AGXT2: variants seen among roughly 807,000 people sequenced by gnomAD.
AGXT2 encodes alanine--glyoxylate aminotransferase 2, mitochondrial.
Under a neutral mutation model 62.5 loss-of-function variants are expected in AGXT2, and 61 were observed. The observed-to-expected ratio is 0.98, with a 90% CI of 0.79 to 1.21. AGXT2 has a LOEUF of 1.21. Ranked by LOEUF, AGXT2 falls within the 50% of genes most tolerant of loss-of-function variation. The pLI is 0.00. For missense variants in AGXT2, 666 were observed against 641.5 expected (o/e 1.04, Z -0.41); for synonymous variants, 243 against 218.7 (o/e 1.11, Z -0.98).
At chr5:35,004,596 A>T (rs540031283) in intron 12 of AGXT2, among the ~76,000 whole-genome samples, 1 of 152,336 alleles carries the variant, frequency 6.6e-6, no homozygotes, top group East Asian at 1.9e-4. Flanking sequence ...GTCACACCTG[A>T]CAGCATGTCT....
At chr5:35,002,782 G>A (rs902391951) in intron 13 of AGXT2, among the ~76,000 whole-genome samples, 1 of 152,002 alleles carries the variant, frequency 6.6e-6, no homozygotes, top group Non-Finnish European at 1.5e-5. Context: ...AGGCTGGGGG[G>A]GGGGACTAAC....
chr5:35,033,631 G>T lies in AGXT2; in HGVS notation c.582-78C>A, dbSNP rs575564487. 1.4e-4 allele frequency: 160 copies of T among 1,129,944 alleles called. 2 individuals are homozygous for T. Among genetic ancestry groups the T allele is most frequent in the South Asian group, 1.2e-3 (97 of 79,892 alleles). 70.0% of individuals were successfully genotyped at this position (1,129,944 alleles called of 1,614,324 possible). On this transcript the variant is annotated intron_variant, in intron 5 of 13. Coordinates refer to ENST00000231420, the MANE Select transcript of AGXT2 (RefSeq NM_031900.4). ...AGGACAAAAGAGAAAACCCAGGAAG[G>T]CTATGAAGATGAAATAGAACATCAT...
rs139344660 is a variant in AGXT2, at chr5:35,010,067, T to A, written c.1271A>T (p.Glu424Val). ...TCGGACGTCTCCAACAATTTCAAATTCATCCCGCAGCTTAGCAAACTTTAG... is the reference window on the plus strand; with the variant it reads ...TCGGACGTCTCCAACAATTTCAAATACATCCCGCAGCTTAGCAAACTTTAG... ...MLLKFAKLRD[E>V]FEIVGDVRGK... The change falls in exon 12 of 14, where the codon GAA becomes GTA. Residue 424 changes from glutamate (E) to valine (V), a missense_variant. Glu to Val is a moderately radical substitution (Grantham distance 121, BLOSUM62 -2). Transcript: ENST00000231420. 49 of 1,614,232 alleles carry A rather than the reference T, an allele frequency of 3.0e-5. No homozygotes were observed. The African/African-American group carries it at 6.3e-4, about 21-fold the overall frequency.
At chr5:35,030,109 C>T (rs897516783) in intron 7 of AGXT2, among the ~76,000 whole-genome samples, 1 of 152,148 alleles carries the variant, frequency 6.6e-6, no homozygotes, top group Non-Finnish European at 1.5e-5. Context: ...AAGACCAAAC[C>T]CTTCCCAGGT....
At chr5:35,017,155 C>T (rs1766873097) in intron 9 of AGXT2, among the ~76,000 whole-genome samples, 1 of 152,160 alleles carries the variant, frequency 6.6e-6, no homozygotes, top group Admixed American at 6.6e-5. Flanking sequence ...CCTTCCCTTT[C>T]TGCCATGATT....
In AGXT2 at chr5:35,023,861, ATATTTATTTATT is replaced by A. The variant is rs72046873; in HGVS notation, c.963+1890_963+1901del. Among the ~76,000 whole-genome samples the A allele has an allele frequency of 1.4e-3, 206 of 144,000 alleles. 1 individual carries two copies. The highest frequency in any genetic ancestry group is 3.5e-3 in the Middle Eastern group (1 of 286). The allele number at this position is 144,000 out of a possible 152,430, so 94.5% of individuals were successfully genotyped here. A position where few individuals can be genotyped will look rare whatever the true frequency, so the allele number is the denominator to read the frequency against. On this transcript the variant is annotated intron_variant, in intron 9 of 13. Transcript: ENST00000231420. ...GACAGCTCAGTGTCAGCTGTAGGGA[ATATTTATTTATT>A]TATTTATTTATTTATTTATTTATTT...
chr5:35,046,500 C>A (rs1388873816), intron 1 of AGXT2, among the ~76,000 whole-genome samples: 1 of 152,138 alleles, frequency 6.6e-6, no homozygotes, highest in Non-Finnish European at 1.5e-5. Flanking sequence ...CTTTGAATCC[C>A]AAGTTATCAC....
intron 9 of AGXT2, among the ~76,000 whole-genome samples, chr5:35,024,622 G>A (rs1767249900): frequency 6.6e-6 from 1 of 152,164 alleles, no homozygotes; most frequent in Non-Finnish European, 1.5e-5. Flanking sequence ...TGCAGTACCT[G>A]CAGTTGGTGG....
rs566541259 is a variant in AGXT2 at position 35,023,492 on chromosome 5, A to T, written c.963+2271T>A. 4.6e-5 allele frequency among the ~76,000 whole-genome samples: 7 copies of T among 152,366 alleles called. No homozygotes were observed. The South Asian group carries it at 1.4e-3, about 32-fold the overall frequency. On this transcript the variant is annotated intron_variant, in intron 9 of 13. Transcript: ENST00000231420. ...TTTGAAAGTCATAAAACCACAAGACAGAAAATTTTGAAATTCATATTTCCT... is the reference window on the plus strand; with the variant it reads ...TTTGAAAGTCATAAAACCACAAGACTGAAAATTTTGAAATTCATATTTCCT...
At chr5:35,020,603 C>A (rs1223419943) in intron 9 of AGXT2, among the ~76,000 whole-genome samples, 2 of 152,172 alleles carry the variant, frequency 1.3e-5, no homozygotes, top group Non-Finnish European at 2.9e-5. Context: ...TATGACAAAC[C>A]CACAGCCAAT....
chr5:35,024,755 G>A (rs1767257736), intron 9 of AGXT2, among the ~76,000 whole-genome samples: 1 of 152,100 alleles, frequency 6.6e-6, no homozygotes, highest in Non-Finnish European at 1.5e-5. Context: ...GATCACCTGA[G>A]GTCAGGAGTT....
At chr5:35,028,937 C>G (rs1010028787) in intron 7 of AGXT2, among the ~76,000 whole-genome samples, 4 of 152,134 alleles carry the variant, frequency 2.6e-5, no homozygotes, top group African/African-American at 9.7e-5. Flanking sequence ...CTGCAATCAC[C>G]ATCAAAACCG....
intron 9 of AGXT2, among the ~76,000 whole-genome samples, chr5:35,021,770 A>G (rs1164332679): frequency 1.3e-5 from 2 of 151,952 alleles, no homozygotes; most frequent in South Asian, 2.1e-4. Context: ...AGAAACTACC[A>G]TCAGAGTGAA....
intron 7 of AGXT2, chr5:35,026,941 C>T (rs544237158): frequency 3.9e-5 from 38 of 984,802 alleles, no homozygotes; most frequent in East Asian, 1.1e-4. Context: ...TCTGATGTAC[C>T]GTTTTAAAGC....
At chr5:35,018,809 G>A (rs1240690770) in intron 9 of AGXT2, among the ~76,000 whole-genome samples, 2 of 142,460 alleles carry the variant, frequency 1.4e-5, no homozygotes, top group African/African-American at 2.7e-5. Context: ...ACCCATCAGT[G>A]TGCTGTATTC....
intron 9 of AGXT2, among the ~76,000 whole-genome samples, chr5:35,017,493 T>C (rs1180348103): frequency 1.3e-5 from 2 of 152,228 alleles, no homozygotes; most frequent in Non-Finnish European, 2.9e-5. Context: ...TCACAAGATC[T>C]GATGGTTTTA....
chr5:35,025,318 G>A (rs1808007), intron 9 of AGXT2, among the ~76,000 whole-genome samples: 5,115 of 152,212 alleles, frequency 0.034, 135 homozygotes, highest in Non-Finnish European at 0.052. Context: ...CGGAGGTTGC[G>A]GTGAGTCGAG....
chr5:35,026,626 A>T, intron 7 of AGXT2, 116 bp from the exon 8 acceptor site: 3 of 1,054,308 alleles, frequency 2.8e-6, no homozygotes, highest in Non-Finnish European at 4.2e-6. Flanking sequence ...AGGGTAAGTT[A>T]ATCAGGGACT....
At chr5:35,038,593 G>T (rs1418658535) in intron 3 of AGXT2, among the ~76,000 whole-genome samples, 1 of 152,170 alleles carries the variant, frequency 6.6e-6, no homozygotes, top group Admixed American at 6.5e-5. Context: ...TGCCTGAGGG[G>T]GGGGACTCTT....
Sources: allele counts gnomAD v4.1 joint callset (sites outside exome capture counted in the v4.1 genomes callset), GRCh38; gene constraint gnomAD v4.1.1; transcripts MANE v1.5; gene names NCBI Gene and HGNC (gene_info 2026-07-23, HGNC 2026-07-21).